Variants in CCDC40 observed in about 807,000 individuals in gnomAD.
CCDC40 encodes the protein coiled-coil domain-containing protein 40.
CCDC40 carries 104 observed loss-of-function variants against 124.5 expected under a neutral mutation model. The ratio of observed to expected loss-of-function variants is 0.84; its 90% CI spans 0.71 to 0.98. The LOEUF (loss-of-function observed/expected upper bound fraction) is 0.98, where lower values mean the gene tolerates loss of function less well. Among genes scored for constraint, CCDC40 ranks in the 50% least tolerant of loss-of-function variants. The pLI, the probability that CCDC40 is intolerant of heterozygous loss-of-function variation, is 0.00. For synonymous variants in CCDC40, 580 were observed against 602.9 expected, an observed-to-expected ratio of 0.96 and a Z score of 0.56; for missense variants, 1,463 against 1,503.9, an observed-to-expected ratio of 0.97 and a Z score of 0.45.
In CCDC40 at chr17:80,086,006, G is replaced by A; in HGVS notation, c.2239G>A (p.Glu747Lys). The A allele has an allele frequency of 1.2e-6, 2 of 1,613,976 alleles. No homozygotes were observed. The highest frequency in any genetic ancestry group is 2.2e-5 in the South Asian group (2 of 91,070). The change falls in exon 14 of 20, where the codon GAA (glutamate) becomes AAA (lysine). Residue 747 changes from glutamate to lysine, a missense_variant. By Grantham distance (56) the Glu-to-Lys change is moderately conservative. Transcript: ENST00000397545. This position sits in a 1 kb window ranked among gnomAD's most constrained non-coding sequence, Gnocchi z 5.5. ...TTTTGATGAATATCCGGTCTAGGGG[G>A]AAGAAGTGGGGCCCCTGGAGCTTGA... ...LERMVSELGGEEVGPLELEIK... is the reference protein window; with the variant it reads ...LERMVSELGGKEVGPLELEIK...
At chr17:80,036,737 G>A in intron 1 of CCDC40, 46 bp downstream of exon 1, 1 of 1,456,730 alleles carries the variant, frequency 6.9e-7, no homozygotes, top group South Asian at 1.3e-5. Context: ...GCCAGGCCGC[G>A]CTCTCCGTTC....
chr17:80,041,836 G>A (rs578208416), intron 3 of CCDC40, among the ~76,000 whole-genome samples: 1 of 152,136 alleles, frequency 6.6e-6, no homozygotes, highest in Non-Finnish European at 1.5e-5. Context: ...CGTCCCACCA[G>A]GGATGCAGGA....
intron 1 of CCDC40, among the ~76,000 whole-genome samples, chr17:80,037,688 A>AAAAAATATATATATATATATATATATAT: frequency 6.6e-5 from 3 of 45,674 alleles, no homozygotes; most frequent in African/African-American, 1.8e-4. Context: ...TTTTTTAAAA[A>AAAAAATATATATATATATATATATATAT]AGATATACAT....
Position 80,048,577 on chromosome 17 carries a change from C to A in CCDC40, c.677-6C>A, listed in dbSNP as rs766286356. ...TCCTCAATGGTGTCGCTGTCTCTCCCCCCAGTGATCCCCCCAGGGGTGCCC... is the reference window on the plus strand; with the variant it reads ...TCCTCAATGGTGTCGCTGTCTCTCCACCCAGTGATCCCCCCAGGGGTGCCC... On this transcript the variant is annotated splice_region_variant and splice_polypyrimidine_tract_variant and intron_variant, in intron 4 of 19. Coordinates refer to ENST00000397545, the MANE Select transcript of CCDC40 (RefSeq NM_017950.4). 3.7e-6 allele frequency: 6 copies of A among 1,611,946 alleles called. No homozygotes were observed. In the South Asian group the frequency reaches 6.6e-5, roughly 18 times the overall value.
At chr17:80,038,068 A>T (rs903336975) in intron 1 of CCDC40, 55 bp from the exon 2 acceptor site, 16 of 1,206,536 alleles carry the variant, frequency 1.3e-5, no homozygotes, top group East Asian at 2.3e-5. Flanking sequence ...GGGGATAAGG[A>T]CCAAGAAAAA....
At position 80,058,368 on chromosome 17, in the gene CCDC40, C is replaced by G; in HGVS notation, c.1160-126C>G. 2 of 788,364 alleles carry G rather than the reference C, an allele frequency of 2.5e-6. No homozygotes were observed. Among genetic ancestry groups the G allele is most frequent in the South Asian group, 3.1e-5 (2 of 64,814 alleles). 48.8% of individuals were successfully genotyped at this position (788,364 alleles called of 1,614,324 possible). The stretch of plus-strand genomic sequence containing the variant: ...TTTAAAAGCAGTTTCCCAGTCTTAC[C>G]CAAAAATGGCAGGAAGGGTGCCCAG... On this transcript the variant is annotated intron_variant, in intron 7 of 19. Coordinates refer to ENST00000397545, the MANE Select transcript of CCDC40 (RefSeq NM_017950.4). The surrounding 1 kb of genome is among the most constrained non-coding windows in gnomAD (Gnocchi z 4.2).
At chr17:80,072,735 C>T (rs1004901313) in intron 10 of CCDC40, among the ~76,000 whole-genome samples, 14 of 152,158 alleles carry the variant, frequency 9.2e-5, no homozygotes, top group African/African-American at 3.4e-4. Flanking sequence ...GAGACCCACC[C>T]ATGTTGCAAG....
At chr17:80,063,460 G>T (rs1416120429) in intron 9 of CCDC40, among the ~76,000 whole-genome samples, 1 of 152,146 alleles carries the variant, frequency 6.6e-6, no homozygotes. Flanking sequence ...CAGTCAACCA[G>T]GCTGTGGCCG....
Position 80,076,262 on chromosome 17 carries a change from G to A in CCDC40, c.1563-5284G>A, listed in dbSNP as rs535541843. On this transcript the variant is annotated intron_variant, in intron 10 of 19. Coordinates refer to ENST00000397545, the MANE Select transcript of CCDC40 (RefSeq NM_017950.4). ...TGTGGCAATGGATGTGGCAGGAAGA[G>A]TCAATCCATTGTCTTATTTTAAGAT... Among the ~76,000 whole-genome samples the A allele has an allele frequency of 4.4e-3, 663 of 152,220 alleles. 2 individuals carry two copies. The highest frequency in any genetic ancestry group is 0.012 in the Admixed American group (178 of 15,284).
intron 3 of CCDC40, among the ~76,000 whole-genome samples, chr17:80,045,011 A>G (rs9916688): frequency 0.34 from 52,025 of 152,010 alleles, 11,602 homozygotes; most frequent in African/African-American, 0.64. Context: ...AGGAGAAGCC[A>G]CTGCTGCGCA....
intron 17 of CCDC40, chr17:80,090,758 T>G: frequency 7.3e-7 from 1 of 1,371,082 alleles, no homozygotes; most frequent in Non-Finnish European, 9.4e-7. Flanking sequence ...GTTCAGGGCC[T>G]TAAGGATAAC....
chr17:80,097,715 T>C, intron 19 of CCDC40: 1 of 387,982 alleles, frequency 2.6e-6, no homozygotes. Flanking sequence ...GGAGGACAGA[T>C]GATGAGCAAA....
Position 80,081,964 on chromosome 17 carries a change from T to C in CCDC40, c.1895T>C (p.Ile632Thr). The change falls in exon 12 of 20, where the codon ATC becomes ACC. Residue 632 changes from isoleucine (I) to threonine (T), a missense_variant. Coordinates refer to ENST00000397545, the MANE Select transcript of CCDC40 (RefSeq NM_017950.4). ...CTCAGGAGGAAGACGGATGCTGCCA[T>C]CCGGGAGAAGCTGCAGGAGCACATG... ...LELRRKTDAA[I>T]REKLQEHMTS... 6.2e-7 allele frequency: 1 copy of C among 1,613,844 alleles called. No individual in the cohort carries two copies. Among genetic ancestry groups the C allele is most frequent in the Non-Finnish European group, 8.5e-7 (1 of 1,179,960 alleles).
At chr17:80,098,093 T>C (rs1294353709) in intron 19 of CCDC40, among the ~76,000 whole-genome samples, 1 of 152,266 alleles carries the variant, frequency 6.6e-6, no homozygotes, top group Non-Finnish European at 1.5e-5. Flanking sequence ...GGAGCAGACA[T>C]TGGAGTCCAG....
chr17:80,089,477 C>T, intron 16 of CCDC40: 2 of 419,930 alleles, frequency 4.8e-6, no homozygotes, highest in Middle Eastern at 7.2e-4. Flanking sequence ...ATTATACTGA[C>T]TTTCTCAGCT....
At chr17:80,037,691 ATATACATAT>A (rs1568665050) in intron 1 of CCDC40, among the ~76,000 whole-genome samples, 17 of 75,960 alleles carry the variant, frequency 2.2e-4, no homozygotes, top group Admixed American at 2.6e-4. Flanking sequence ...TTTAAAAAAG[ATATACATAT>A]ATATATATAT....
chr17:80,037,688 A>AAAATATATATATATATATATATATAT, intron 1 of CCDC40, among the ~76,000 whole-genome samples: 2 of 45,670 alleles, frequency 4.4e-5, no homozygotes, highest in African/African-American at 5.9e-5. Context: ...TTTTTTAAAA[A>AAAATATATATATATATATATATATAT]AGATATACAT....
intron 7 of CCDC40, among the ~76,000 whole-genome samples, chr17:80,050,788 T>C (rs575534620): frequency 0.012 from 1,786 of 152,318 alleles, 44 homozygotes; most frequent in African/African-American, 0.041. Context: ...CAGCAAATGC[T>C]GAAGCTGCTA....
chr17:80,072,972 G>A (rs1172351288), intron 10 of CCDC40, among the ~76,000 whole-genome samples: 1 of 146,260 alleles, frequency 6.8e-6, no homozygotes, highest in East Asian at 2.0e-4. Context: ...TTCTCCTACT[G>A]CGTGGAATCG....
Sources: gnomAD v4.1 joint callset for allele counts (sites outside exome capture counted in the v4.1 genomes callset) on GRCh38, gnomAD v4.1.1 for gene constraint, Gnocchi (gnomAD v3.1) non-coding constraint, MANE v1.5 for transcripts, NCBI Gene and HGNC (gene_info 2026-07-23, HGNC 2026-07-21) for gene names.